VPS13B: variants seen among roughly 807,000 people sequenced by gnomAD.
VPS13B encodes intermembrane lipid transfer protein VPS13B.
VPS13B carries 285 observed loss-of-function variants against 426.4 expected under a neutral mutation model. That is an observed-to-expected ratio of 0.67 (90% CI 0.61 to 0.74). The LOEUF (loss-of-function observed/expected upper bound fraction) is 0.74, where lower values mean the gene tolerates loss of function less well. VPS13B is among the 30% of genes least tolerant of loss of function. The pLI is 0.00. For synonymous variants in VPS13B, 1,676 were observed against 1,676.4 expected (o/e 1.00, Z 0.01); for missense variants, 4,537 against 4,782.6 (o/e 0.95, Z 1.51).
At chr8:99,706,082 C>T (rs1441018118) in intron 36 of VPS13B, among the ~76,000 whole-genome samples, 2 of 152,052 alleles carry the variant, frequency 1.3e-5, no homozygotes, top group Non-Finnish European at 2.9e-5. Flanking sequence ...AGCAGAATTC[C>T]TGGCCTAAAC....
intron 36 of VPS13B, among the ~76,000 whole-genome samples, chr8:99,705,915 G>C (rs1228075165): frequency 6.6e-6 from 1 of 152,062 alleles, no homozygotes; most frequent in Non-Finnish European, 1.5e-5. Flanking sequence ...TAGGATATCA[G>C]AGCGATCTCA....
intron 17 of VPS13B, among the ~76,000 whole-genome samples, chr8:99,258,046 G>T (rs1316243389): frequency 6.8e-6 from 1 of 147,442 alleles, no homozygotes; most frequent in African/African-American, 2.5e-5. Context: ...AATGCCATGT[G>T]TTTTTTTAAG....
intron 33 of VPS13B, among the ~76,000 whole-genome samples, chr8:99,591,988 A>G (rs1206522325): frequency 2.0e-5 from 3 of 152,122 alleles, no homozygotes; most frequent in African/African-American, 7.2e-5. Context: ...AGGTACACCA[A>G]TCAAACATAG....
rs148979052 is a variant in VPS13B, at chr8:99,393,243, C to T, written c.3082+1539C>T. 1.5e-4 allele frequency among the ~76,000 whole-genome samples: 23 copies of T among 152,058 alleles called. No homozygotes were observed. The East Asian group carries it at 3.3e-3, about 22-fold the overall frequency. The stretch of plus-strand genomic sequence containing the variant: ...AGATTTTGAAATGCATCTGTATATG[C>T]GTGGAAAAGTTTATATGTAAACTCA... On this transcript the variant is annotated intron_variant, in intron 21 of 61. Transcript: ENST00000357162.
chr8:99,233,544 G>T, intron 17 of VPS13B: 1 of 1,124,528 alleles, frequency 8.9e-7, no homozygotes, highest in Non-Finnish European at 1.4e-6. Context: ...GGTGATGGGG[G>T]TACAGGCTGG....
At chr8:99,600,799 T>C (rs1466998813) in intron 33 of VPS13B, among the ~76,000 whole-genome samples, 2 of 152,152 alleles carry the variant, frequency 1.3e-5, no homozygotes, top group African/African-American at 2.4e-5. Context: ...ATGACTCTTC[T>C]GTTTACATGT....
chr8:99,180,126 G>A (rs1488191873), intron 16 of VPS13B, among the ~76,000 whole-genome samples: 3 of 152,026 alleles, frequency 2.0e-5, no homozygotes, highest in Non-Finnish European at 4.4e-5. Flanking sequence ...TGAATTGTCT[G>A]TTTTAAATTA....
rs1357373808 is a variant in VPS13B, at chr8:99,640,108, A to AAAGAAG, written c.5221-1696_5221-1691dup. Among the ~76,000 whole-genome samples, 15 of 149,542 alleles carry AAAGAAG rather than the reference A, an allele frequency of 1.0e-4. 1 individual carries two copies. The highest frequency in any genetic ancestry group is 8.9e-5 in the Non-Finnish European group (6 of 67,302). ...AAAGAAAAGAAAAGAAAAGAAAAGA[A>AAAGAAG]AAGAAGAAGAAGCAATACCCAGTTA... On this transcript the variant is annotated intron_variant, in intron 33 of 61. Transcript: ENST00000357162.
intron 25 of VPS13B, among the ~76,000 whole-genome samples, chr8:99,501,317 A>G (rs942618885): frequency 1.3e-5 from 2 of 152,190 alleles, no homozygotes; most frequent in African/African-American, 4.8e-5. Flanking sequence ...CAGTCAGTAC[A>G]TGAACGGATT....
At chr8:99,118,452 TACATAC>T (rs1847780650) in intron 7 of VPS13B, among the ~76,000 whole-genome samples, 1 of 152,164 alleles carries the variant, frequency 6.6e-6, no homozygotes, top group African/African-American at 2.4e-5. Flanking sequence ...GTTTGAGAAA[TACATAC>T]ACCTGTGTGA....
Position 99,330,699 on chromosome 8 carries a change from G to A in VPS13B, c.2825-53509G>A, listed in dbSNP as rs530809293. ...TTGAAAAGTGGAGGATTAGAAGGGC[G>A]TTACAGTGGTACCACTGGCTACCTC... On this transcript the variant is annotated intron_variant, in intron 19 of 61. Coordinates refer to ENST00000357162, the MANE Select transcript of VPS13B (RefSeq NM_152564.5). Among the ~76,000 whole-genome samples, 13 of 151,838 alleles carry A rather than the reference G, an allele frequency of 8.6e-5. No individual in the cohort carries two copies. The East Asian group carries it at 1.2e-3, about 14-fold the overall frequency.
chr8:99,279,222 A>AGGG (rs1563643831), intron 19 of VPS13B, among the ~76,000 whole-genome samples: 1 of 152,196 alleles, frequency 6.6e-6, no homozygotes, highest in Non-Finnish European at 1.5e-5. Flanking sequence ...TGGGTGACAG[A>AGGG]ACGCAACCCT....
At chr8:99,574,116 G>T (rs1417296378) in intron 31 of VPS13B, among the ~76,000 whole-genome samples, 3 of 151,980 alleles carry the variant, frequency 2.0e-5, no homozygotes. Context: ...GTTATTTGTG[G>T]ATAAGAATGC....
intron 19 of VPS13B, among the ~76,000 whole-genome samples, chr8:99,281,360 C>T (rs527854098): frequency 6.6e-6 from 1 of 152,288 alleles, no homozygotes; most frequent in South Asian, 2.1e-4. Flanking sequence ...TGTTTTTGCA[C>T]TTCTTGCGAA....
intron 19 of VPS13B, among the ~76,000 whole-genome samples, chr8:99,338,104 A>G (rs1811032153): frequency 6.6e-6 from 1 of 152,188 alleles, no homozygotes; most frequent in African/African-American, 2.4e-5. Context: ...CTGGGGCTAT[A>G]TACCAAATCT....
chr8:99,499,891 A>G lies in VPS13B; in HGVS notation c.3871-1796A>G, dbSNP rs187888852. Among the ~76,000 whole-genome samples the G allele has an allele frequency of 2.4e-4, 37 of 152,302 alleles. No homozygotes were observed. In the East Asian group the frequency reaches 6.7e-3, roughly 28 times the overall value. Reference sequence around the variant, plus strand: ...GCAGTAAACACTTGCCTGTCATTCTATGAAAATCTTCCCCATTGGGCCTCC... The same window carrying G: ...GCAGTAAACACTTGCCTGTCATTCTGTGAAAATCTTCCCCATTGGGCCTCC... On this transcript the variant is annotated intron_variant, in intron 25 of 61. Coordinates refer to ENST00000357162, the MANE Select transcript of VPS13B (RefSeq NM_152564.5).
In VPS13B at chr8:99,762,026, G is replaced by T. The variant is rs182236018; in HGVS notation, c.7051-4748G>T. On this transcript the variant is annotated intron_variant, in intron 39 of 61. Transcript: ENST00000357162. ...CTGAGTTTTTGTTTGTTTGCTTGTG[G>T]TTTTTTTTTTATTTTTTTGAAACAG... Among the ~76,000 whole-genome samples, 456 of 148,686 alleles carry T rather than the reference G, an allele frequency of 3.1e-3. 3 individuals are homozygous for T. Among genetic ancestry groups the T allele is most frequent in the African/African-American group, 0.011 (429 of 40,730 alleles).
intron 23 of VPS13B, among the ~76,000 whole-genome samples, chr8:99,446,049 G>C (rs929357082): frequency 3.9e-5 from 6 of 152,122 alleles, no homozygotes; most frequent in African/African-American, 1.4e-4. Flanking sequence ...ACAGAATCTG[G>C]TGGTTGGCTG....
intron 19 of VPS13B, among the ~76,000 whole-genome samples, chr8:99,287,394 T>C (rs1055473484): frequency 6.6e-6 from 1 of 152,008 alleles, no homozygotes; most frequent in East Asian, 1.9e-4. Flanking sequence ...ACATGAGAGT[T>C]TCCAAGCCTC....
Sources: gnomAD v4.1 joint callset for allele counts (sites outside exome capture counted in the v4.1 genomes callset) on GRCh38, gnomAD v4.1.1 for gene constraint, MANE v1.5 for transcripts, NCBI Gene and HGNC (gene_info 2026-07-23, HGNC 2026-07-21) for gene names.